The following SCFD2 variants were observed in gnomAD, a reference collection of about 807,000 sequenced individuals.
The protein encoded by SCFD2 is sec1 family domain-containing protein 2.
A neutral mutation model predicts 58.9 loss-of-function variants in SCFD2; 54 were observed. That is an observed-to-expected ratio of 0.92 (90% confidence interval 0.74 to 1.15). The LOEUF (loss-of-function observed/expected upper bound fraction) is 1.15. Among genes scored for constraint, SCFD2 ranks in the 50% most tolerant of loss-of-function variants. The pLI, the probability that SCFD2 is intolerant of heterozygous loss-of-function variation, is 0.00. For synonymous variants in SCFD2, 321 were observed against 335.9 expected (o/e 0.96, Z 0.49); for missense variants, 805 against 836.6 (o/e 0.96, Z 0.47).
intron 5 of SCFD2, among the ~76,000 whole-genome samples, chr4:53,013,355 A>G (rs1284452802): frequency 2.0e-5 from 3 of 152,224 alleles, no homozygotes; most frequent in Non-Finnish European, 4.4e-5. Context: ...TGTGTAAATA[A>G]ATAATGGAAG....
At chr4:53,298,871 T>C (rs1290595127) in intron 3 of SCFD2, among the ~76,000 whole-genome samples, 1 of 152,152 alleles carries the variant, frequency 6.6e-6, no homozygotes, top group African/African-American at 2.4e-5. Flanking sequence ...CCCACAGACC[T>C]GCAGCTGAGG....
At chr4:53,331,134 C>T (rs1048376557) in intron 2 of SCFD2, among the ~76,000 whole-genome samples, 5 of 151,772 alleles carry the variant, frequency 3.3e-5, no homozygotes, top group Admixed American at 1.3e-4. Context: ...TAGACTCCCA[C>T]ACATTAATAA....
intron 1 of SCFD2, among the ~76,000 whole-genome samples, chr4:53,359,539 A>G (rs1734493707): frequency 2.6e-5 from 4 of 152,214 alleles, no homozygotes; most frequent in Admixed American, 2.6e-4. Flanking sequence ...CAGCCTGCGA[A>G]CAAAGTGAAA....
intron 4 of SCFD2, among the ~76,000 whole-genome samples, chr4:53,232,605 T>C (rs527581300): frequency 6.6e-6 from 1 of 152,144 alleles, no homozygotes; most frequent in Non-Finnish European, 1.5e-5. Flanking sequence ...TTCCAGAATG[T>C]TTATAAAATT....
chr4:52,926,155 CTCTACTCCTTACTCCAG>C (rs1719858194), intron 5 of SCFD2, among the ~76,000 whole-genome samples: 1 of 152,040 alleles, frequency 6.6e-6, no homozygotes, highest in African/African-American at 2.4e-5. Flanking sequence ...TGAAATGAAG[CTCTACTCCTTACTCCAG>C]TCTACCTAGT....
chr4:53,122,112 C>T (rs902523065), intron 5 of SCFD2, among the ~76,000 whole-genome samples: 2 of 152,118 alleles, frequency 1.3e-5, no homozygotes, highest in African/African-American at 4.8e-5. Flanking sequence ...CGCGGTGGCT[C>T]ATGCCTGTAA....
intron 3 of SCFD2, among the ~76,000 whole-genome samples, chr4:53,303,615 G>A (rs538990896): frequency 6.6e-6 from 1 of 152,054 alleles, no homozygotes; most frequent in African/African-American, 2.4e-5. Flanking sequence ...TATACCCAAA[G>A]GATTAGAAAT....
chr4:53,029,708 T>C (rs1722568145), intron 5 of SCFD2, among the ~76,000 whole-genome samples: 1 of 152,220 alleles, frequency 6.6e-6, no homozygotes, highest in African/African-American at 2.4e-5. Context: ...TTTTGATAAA[T>C]GTGCAAAGGC....
chr4:52,895,497 G>C (rs1426539035), intron 7 of SCFD2, among the ~76,000 whole-genome samples: 1 of 152,104 alleles, frequency 6.6e-6, no homozygotes, highest in Non-Finnish European at 1.5e-5. Context: ...CAAAGGACAT[G>C]AACTCATCCT....
At chr4:53,079,199 A>G (rs1177427138) in intron 5 of SCFD2, among the ~76,000 whole-genome samples, 1 of 152,082 alleles carries the variant, frequency 6.6e-6, no homozygotes, top group Non-Finnish European at 1.5e-5. Flanking sequence ...GTAAGTACCA[A>G]CCTGAGTCTG....
chr4:53,006,762 T>C (rs1560507809), intron 5 of SCFD2, among the ~76,000 whole-genome samples: 1 of 152,170 alleles, frequency 6.6e-6, no homozygotes, highest in Non-Finnish European at 1.5e-5. Context: ...AAAGACCACA[T>C]GTAAAACTCA....
At chr4:53,138,909 C>G (rs904290380) in intron 5 of SCFD2, among the ~76,000 whole-genome samples, 1 of 150,734 alleles carries the variant, frequency 6.6e-6, no homozygotes, top group Non-Finnish European at 1.5e-5. Flanking sequence ...CACGGTCTCC[C>G]TCTGATGCCC....
At chr4:53,213,455 C>A (rs1165210013) in intron 4 of SCFD2, among the ~76,000 whole-genome samples, 1 of 152,078 alleles carries the variant, frequency 6.6e-6, no homozygotes, top group African/African-American at 2.4e-5. Context: ...ACCAGAGTGA[C>A]TATGATCTCG....
chr4:53,157,861 G>A (rs1300453224), intron 4 of SCFD2, among the ~76,000 whole-genome samples: 1 of 152,132 alleles, frequency 6.6e-6, no homozygotes, highest in East Asian at 1.9e-4. Context: ...CTTCATCTAC[G>A]TTGTTAGAGA....
intron 5 of SCFD2, among the ~76,000 whole-genome samples, chr4:52,937,310 A>G (rs1439627405): frequency 1.3e-5 from 2 of 152,188 alleles, no homozygotes; most frequent in African/African-American, 4.8e-5. Context: ...AGAGGCAGAG[A>G]GGGCCAGATC....
At chr4:53,064,031 G>GT (rs2148843148) in intron 5 of SCFD2, among the ~76,000 whole-genome samples, 1 of 151,630 alleles carries the variant, frequency 6.6e-6, no homozygotes. Context: ...TAAAATATCA[G>GT]TATTATCTCA....
At chr4:53,275,695 T>C (rs1254263412) in intron 3 of SCFD2, among the ~76,000 whole-genome samples, 4 of 152,184 alleles carry the variant, frequency 2.6e-5, no homozygotes, top group African/African-American at 7.2e-5. Flanking sequence ...GCCCTGTTGG[T>C]TGATGAACCC....
chr4:53,120,199 GA>G (rs1240296986), intron 5 of SCFD2, among the ~76,000 whole-genome samples: 1 of 152,084 alleles, frequency 6.6e-6, no homozygotes, highest in Non-Finnish European at 1.5e-5. Context: ...AAAGCTGGGG[GA>G]AAAGAGACAA....
chr4:53,172,883 A>G (rs1727220393), intron 4 of SCFD2, among the ~76,000 whole-genome samples: 1 of 152,172 alleles, frequency 6.6e-6, no homozygotes, highest in Non-Finnish European at 1.5e-5. Flanking sequence ...TTCAAGACCA[A>G]TGTTTCCTTA....
Sources: allele counts gnomAD v4.1 joint callset (sites outside exome capture counted in the v4.1 genomes callset), GRCh38; gene constraint gnomAD v4.1.1; transcripts MANE v1.5; gene names NCBI Gene and HGNC (gene_info 2026-07-23, HGNC 2026-07-21).